Variants in MRTFA observed in about 807,000 individuals in gnomAD.
The protein encoded by MRTFA is myocardin-related transcription factor A.
MRTFA carries 20 observed loss-of-function variants against 83.5 expected under a neutral mutation model. The ratio of observed to expected loss-of-function variants is 0.24; its 90% CI spans 0.17 to 0.35. The LOEUF (loss-of-function observed/expected upper bound fraction) is 0.35, where lower values mean the gene tolerates loss of function less well. Ranked by LOEUF, MRTFA falls within the 10% of genes least tolerant of loss-of-function variation. MRTFA has a pLI of 1.00. For synonymous variants in MRTFA, 659 were observed against 541.2 expected (o/e 1.22, Z -3.02); for missense variants, 1,200 against 1,224.7 (o/e 0.98, Z 0.30).
chr22:40,491,676 A>T (rs959014401), intron 3 of MRTFA, among the ~76,000 whole-genome samples: 1 of 152,200 alleles, frequency 6.6e-6, no homozygotes, highest in Non-Finnish European at 1.5e-5. Context: ...CTTATTAAAG[A>T]AAAGTTTTTT....
intron 1 of MRTFA, among the ~76,000 whole-genome samples, chr22:40,600,794 G>A (rs893734351): frequency 2.5e-4 from 38 of 152,032 alleles, no homozygotes; most frequent in African/African-American, 7.5e-4. Context: ...CCTGGCCAAC[G>A]TAGTGAAACC....
At chr22:40,499,595 A>C (rs1475222375) in intron 3 of MRTFA, among the ~76,000 whole-genome samples, 1 of 152,010 alleles carries the variant, frequency 6.6e-6, no homozygotes, top group Non-Finnish European at 1.5e-5. Flanking sequence ...CTTATCTGTG[A>C]AAAAAAAATT....
At chr22:40,417,791 G>A (rs1166503061) in intron 12 of MRTFA, 1 of 392,550 alleles carries the variant, frequency 2.5e-6, no homozygotes, top group Non-Finnish European at 4.6e-6. Context: ...GGCTGCTCAG[G>A]GACCCCTGTC....
intron 2 of MRTFA, among the ~76,000 whole-genome samples, chr22:40,558,797 G>GTT (rs60228865): frequency 2.8e-5 from 4 of 143,020 alleles, no homozygotes; most frequent in South Asian, 2.2e-4. Flanking sequence ...GGTTTTTTGG[G>GTT]TTTTTTTTTT....
intron 3 of MRTFA, among the ~76,000 whole-genome samples, chr22:40,500,404 T>C (rs2054445263): frequency 6.7e-6 from 1 of 149,830 alleles, no homozygotes; most frequent in African/African-American, 2.4e-5. Flanking sequence ...TTTTTTAATT[T>C]ATTTTTTTAT....
chr22:40,535,093 C>A (rs1023012292), intron 3 of MRTFA, among the ~76,000 whole-genome samples: 3 of 152,132 alleles, frequency 2.0e-5, no homozygotes, highest in African/African-American at 7.2e-5. Flanking sequence ...GTGGGAATGA[C>A]TCAACAGGCA....
intron 4 of MRTFA, among the ~76,000 whole-genome samples, chr22:40,452,560 T>G (rs745343384): frequency 2.0e-5 from 3 of 152,122 alleles, no homozygotes; most frequent in Non-Finnish European, 2.9e-5. Flanking sequence ...CAATGGCTCA[T>G]GACTGTAATC....
chr22:40,451,010 C>G (rs577031678), intron 4 of MRTFA, among the ~76,000 whole-genome samples: 2 of 152,302 alleles, frequency 1.3e-5, no homozygotes, highest in Non-Finnish European at 2.9e-5. Context: ...AACTGCTGCA[C>G]TGGGTAATTA....
At chr22:40,460,258 A>T (rs1354062444) in intron 4 of MRTFA, among the ~76,000 whole-genome samples, 1 of 152,166 alleles carries the variant, frequency 6.6e-6, no homozygotes, top group Non-Finnish European at 1.5e-5. Flanking sequence ...ATTACAAGAA[A>T]TGCTAAGTAA....
chr22:40,466,837 C>T (rs962983371), intron 3 of MRTFA, among the ~76,000 whole-genome samples: 3 of 152,028 alleles, frequency 2.0e-5, no homozygotes, highest in Non-Finnish European at 2.9e-5. Flanking sequence ...GCTTCATGAA[C>T]GCAAAAATTT....
chr22:40,430,929 G>A (rs1409295130), intron 6 of MRTFA, among the ~76,000 whole-genome samples: 1 of 151,662 alleles, frequency 6.6e-6, no homozygotes, highest in Non-Finnish European at 1.5e-5. Flanking sequence ...CTGGGGCCAG[G>A]TGGGTACATC....
At chr22:40,489,388 C>A (rs1346493520) in intron 3 of MRTFA, among the ~76,000 whole-genome samples, 2 of 150,690 alleles carry the variant, frequency 1.3e-5, no homozygotes, top group Non-Finnish European at 2.9e-5. Flanking sequence ...CTCGTTCTGT[C>A]GCCCAGGCTG....
chr22:40,435,977 A>C lies in MRTFA; in HGVS notation c.308-423T>G, dbSNP rs115780704. Among the ~76,000 whole-genome samples, 904 of 152,092 alleles carry C rather than the reference A, an allele frequency of 5.9e-3. 10 individuals are homozygous for C. Among genetic ancestry groups the C allele is most frequent in the African/African-American group, 0.021 (868 of 41,456 alleles). ...AAATCACATTACTGTTAGTAGTACT[A>C]TAAATATCAGTTGAAGTGAAGGCAA... is the stretch of plus-strand genomic sequence containing the variant. On this transcript the variant is annotated intron_variant, in intron 4 of 14. Transcript: ENST00000355630.
chr22:40,424,804 T>C (rs1332596653), intron 7 of MRTFA, among the ~76,000 whole-genome samples: 1 of 152,160 alleles, frequency 6.6e-6, no homozygotes, highest in Non-Finnish European at 1.5e-5. Context: ...CAAAACTCTC[T>C]TATTCCCCCA....
chr22:40,479,275 G>T (rs2054049412), intron 3 of MRTFA, among the ~76,000 whole-genome samples: 1 of 152,070 alleles, frequency 6.6e-6, no homozygotes, highest in African/African-American at 2.4e-5. Context: ...GAATGCATTT[G>T]CATAATAAGA....
chr22:40,549,623 A>C (rs185347425), intron 3 of MRTFA, among the ~76,000 whole-genome samples: 3 of 152,342 alleles, frequency 2.0e-5, no homozygotes, highest in Admixed American at 2.0e-4. Flanking sequence ...TTCCTCACTA[A>C]GCAGTAGTTA....
intron 1 of MRTFA, among the ~76,000 whole-genome samples, chr22:40,596,391 G>A (rs2056192600): frequency 6.6e-6 from 1 of 152,122 alleles, no homozygotes; most frequent in Non-Finnish European, 1.5e-5. Flanking sequence ...AACAGATATG[G>A]TTACATATAC....
At position 40,417,436 on chromosome 22, in the gene MRTFA, G is replaced by C. The variant is rs377505938; in HGVS notation, c.2422C>G (p.His808Asp). ...GTCCCAAAGAGGGGCTGCAGTGGGT[G>C]CTCCAGGTCCATCTGGGCAGAGGGG... Residue 808 changes from histidine (H) to aspartate (D), a missense_variant, in exon 13 of 15, where the codon CAC becomes GAC. By Grantham distance (81) the His-to-Asp change is moderately conservative. Coordinates refer to ENST00000355630, the MANE Select transcript of MRTFA (RefSeq NM_020831.6). 4 of 1,606,808 alleles carry C rather than the reference G, an allele frequency of 2.5e-6. No individual in the cohort carries two copies. The African/African-American group carries it at 5.3e-5, about 21-fold the overall frequency.
rs1395892849 is a variant in MRTFA, at chr22:40,418,648, A to G, written c.2090T>C (p.Phe697Ser). 1 of 1,524,176 alleles carries G rather than the reference A, an allele frequency of 6.6e-7. No homozygotes were observed. The highest frequency in any genetic ancestry group is 1.4e-5 in the African/African-American group (1 of 70,834). The allele number at this position is 1,524,176 out of a possible 1,614,324, so 94.4% of individuals were successfully genotyped here. ...GGCTGGGGCCGCCAGGCTGGGGTTGAATGGGTGAGCGGGGCCCAGGGGCTG... is the reference window on the plus strand; with the variant it reads ...GGCTGGGGCCGCCAGGCTGGGGTTGGATGGGTGAGCGGGGCCCAGGGGCTG... Residue 697 changes from phenylalanine to serine, a missense_variant, in exon 12 of 15, where the codon TTC becomes TCC. Around this residue, in one of 2 missense-constraint regions of MRTFA, gnomAD observed 1,107 missense variants for 1,041.8 expected, o/e 1.06. Transcript: ENST00000355630.
Sources: allele counts gnomAD v4.1 joint callset (sites outside exome capture counted in the v4.1 genomes callset), GRCh38; gene constraint gnomAD v4.1.1; regional missense constraint gnomAD v4.1.1; transcripts MANE v1.5; gene names NCBI Gene and HGNC (gene_info 2026-07-23, HGNC 2026-07-21).